ASIC2: variants seen among roughly 807,000 people sequenced by gnomAD.
ASIC2 encodes acid-sensing ion channel 2.
ASIC2 carries 25 observed loss-of-function variants against 57.3 expected under a neutral mutation model. The ratio of observed to expected loss-of-function variants is 0.44; its 90% CI spans 0.32 to 0.61. The LOEUF is 0.61. Ranked by LOEUF, ASIC2 falls within the 20% of genes least tolerant of loss-of-function variation. ASIC2 has a pLI of 0.06. For missense variants in ASIC2, 641 were observed against 738.1 expected (o/e 0.87, Z 1.52); for synonymous variants, 319 against 307.5 (o/e 1.04, Z -0.39).
intron 1 of ASIC2, among the ~76,000 whole-genome samples, chr17:33,486,308 G>A (rs1913573596): frequency 6.6e-6 from 1 of 152,174 alleles, no homozygotes; most frequent in African/African-American, 2.4e-5. Context: ...CCAAAGTTCA[G>A]AGATGTTAAG....
chr17:34,065,745 A>G (rs1909149209), intron 1 of ASIC2, among the ~76,000 whole-genome samples: 1 of 152,154 alleles, frequency 6.6e-6, no homozygotes, highest in Admixed American at 6.5e-5. Flanking sequence ...GAATAAGAGG[A>G]AAACAGGGGC....
chr17:33,588,412 G>A (rs1904710558), intron 1 of ASIC2, among the ~76,000 whole-genome samples: 1 of 152,086 alleles, frequency 6.6e-6, no homozygotes, highest in Non-Finnish European at 1.5e-5. Flanking sequence ...GATCTTTGAG[G>A]GCCCTTTCAG....
chr17:33,805,908 C>A (rs1231436274), intron 1 of ASIC2, among the ~76,000 whole-genome samples: 1 of 152,114 alleles, frequency 6.6e-6, no homozygotes, highest in Non-Finnish European at 1.5e-5. Context: ...TGCTTAAAGC[C>A]CCTGCTCCAT....
At chr17:33,838,018 G>A (rs1160877293) in intron 1 of ASIC2, among the ~76,000 whole-genome samples, 1 of 152,134 alleles carries the variant, frequency 6.6e-6, no homozygotes, top group East Asian at 1.9e-4. Context: ...TGATTTACCT[G>A]TTCTTTCCTA....
intron 1 of ASIC2, among the ~76,000 whole-genome samples, chr17:33,798,333 AG>A (rs1911980450): frequency 6.6e-6 from 1 of 152,200 alleles, no homozygotes; most frequent in Non-Finnish European, 1.5e-5. Flanking sequence ...GGAAGGGTAG[AG>A]AATGTCTAAG....
Position 33,233,398 on chromosome 17 carries a change from C to CGT in ASIC2, c.708+58008_708+58009dup, listed in dbSNP as rs575860590. Among the ~76,000 whole-genome samples the CGT allele has an allele frequency of 1.6e-3, 250 of 152,012 alleles. 1 individual carries two copies. The highest frequency in any genetic ancestry group is 5.9e-3 in the African/African-American group (244 of 41,446). On this transcript the variant is annotated intron_variant, in intron 1 of 9. Coordinates refer to ENST00000225823, the MANE Select transcript of ASIC2 (RefSeq NM_183377.2). ...GCAGAAAACTCACACACTACACCAC[C>CGT]GTGTGTGTCACTCTCTCCTGAGTTG...
intron 1 of ASIC2, among the ~76,000 whole-genome samples, chr17:33,963,930 G>A (rs1408566098): frequency 6.6e-6 from 1 of 152,194 alleles, no homozygotes; most frequent in Non-Finnish European, 1.5e-5. Flanking sequence ...CTGGGACTGA[G>A]ACCCTTTCTG....
intron 1 of ASIC2, among the ~76,000 whole-genome samples, chr17:33,601,557 G>A (rs545888056): frequency 5.9e-5 from 9 of 152,202 alleles, no homozygotes; most frequent in African/African-American, 7.2e-5. Flanking sequence ...TGGAGGTATC[G>A]TGGCCTCTAC....
At chr17:33,876,558 A>G (rs1914550422) in intron 1 of ASIC2, among the ~76,000 whole-genome samples, 1 of 152,226 alleles carries the variant, frequency 6.6e-6, no homozygotes, top group Non-Finnish European at 1.5e-5. Context: ...AATCTGTCCA[A>G]CAACTCTGTG....
chr17:34,101,702 A>G (rs184404514), intron 1 of ASIC2, among the ~76,000 whole-genome samples: 1 of 152,322 alleles, frequency 6.6e-6, no homozygotes, highest in East Asian at 1.9e-4. Context: ...GTATGCCTAT[A>G]AACAATATGT....
At chr17:33,665,811 G>A (rs1332991715) in intron 1 of ASIC2, among the ~76,000 whole-genome samples, 1 of 152,102 alleles carries the variant, frequency 6.6e-6, no homozygotes, top group East Asian at 1.9e-4. Context: ...GTTGGGAGAG[G>A]GAGTATCTCC....
chr17:33,244,039 A>G (rs1161101585), intron 1 of ASIC2, among the ~76,000 whole-genome samples: 1 of 152,232 alleles, frequency 6.6e-6, no homozygotes, highest in African/African-American at 2.4e-5. Context: ...CTATATGCTC[A>G]TGAGATAGCA....
chr17:33,587,010 A>G (rs1473248034), intron 1 of ASIC2, among the ~76,000 whole-genome samples: 1 of 152,244 alleles, frequency 6.6e-6, no homozygotes, highest in East Asian at 1.9e-4. Flanking sequence ...AGATTAATGT[A>G]TCAATGACTT....
chr17:33,056,777 G>C (rs979875064), intron 3 of ASIC2, among the ~76,000 whole-genome samples: 4 of 152,220 alleles, frequency 2.6e-5, no homozygotes, highest in African/African-American at 9.6e-5. Flanking sequence ...CCAGTGAGCT[G>C]CTGTCATCAG....
intron 1 of ASIC2, among the ~76,000 whole-genome samples, chr17:33,220,491 G>A (rs1907649983): frequency 1.3e-5 from 2 of 152,126 alleles, no homozygotes; most frequent in African/African-American, 4.8e-5. Context: ...GGAGACTCGA[G>A]GCTTTGGGTC....
chr17:33,579,509 G>T (rs552470145), intron 1 of ASIC2, among the ~76,000 whole-genome samples: 1 of 152,216 alleles, frequency 6.6e-6, no homozygotes, highest in South Asian at 2.1e-4. Flanking sequence ...GCCCAGAATT[G>T]TCTCCTCCTG....
At chr17:33,974,245 A>G (rs1177387603) in intron 1 of ASIC2, among the ~76,000 whole-genome samples, 1 of 152,090 alleles carries the variant, frequency 6.6e-6, no homozygotes, top group East Asian at 1.9e-4. Context: ...ATAGGTGACC[A>G]TGAGTAATTC....
intron 1 of ASIC2, among the ~76,000 whole-genome samples, chr17:33,685,084 G>C (rs1055047545): frequency 2.0e-5 from 3 of 152,208 alleles, no homozygotes; most frequent in Admixed American, 1.3e-4. Context: ...CATGACTTTG[G>C]TCTAGTCCTC....
chr17:33,475,598 C>CT (rs1567624524), intron 1 of ASIC2, among the ~76,000 whole-genome samples: 1 of 152,170 alleles, frequency 6.6e-6, no homozygotes, highest in Non-Finnish European at 1.5e-5. Flanking sequence ...GGTTAAGTAA[C>CT]GATGTCTGGT....
Sources: gnomAD v4.1 joint callset for allele counts (sites outside exome capture counted in the v4.1 genomes callset) on GRCh38, gnomAD v4.1.1 for gene constraint, MANE v1.5 for transcripts, NCBI Gene and HGNC (gene_info 2026-07-23, HGNC 2026-07-21) for gene names.